The following STON2 variants were observed in gnomAD, a reference collection of about 807,000 sequenced individuals.
STON2 encodes the protein stonin 2, also known as stonin-2.
STON2 carries 29 observed loss-of-function variants against 65.7 expected under a neutral mutation model. That is an observed-to-expected ratio of 0.44 (90% confidence interval 0.33 to 0.60). The LOEUF (loss-of-function observed/expected upper bound fraction) is 0.60, where lower values mean the gene tolerates loss of function less well. STON2 is among the 20% of genes least tolerant of loss of function. STON2 has a pLI of 0.03. For missense variants in STON2, 1,054 were observed against 1,118.1 expected (o/e 0.94, Z 0.82); for synonymous variants, 404 against 414.2 (o/e 0.98, Z 0.30).
rs2140086036 is a variant in STON2, at chr14:81,265,463, T to C, written c.*2951A>G. 1.9e-6 allele frequency: 1 copy of C among 514,552 alleles called. No individual in the cohort carries two copies. Among genetic ancestry groups the C allele is most frequent in the Non-Finnish European group, 2.5e-6 (1 of 400,224 alleles). The allele number at this position is 514,552 out of a possible 1,614,324, so 31.9% of individuals were successfully genotyped here. A position where few individuals can be genotyped will look rare whatever the true frequency, so the allele number is the denominator to read the frequency against. On this transcript the variant is annotated 3_prime_UTR_variant, in exon 8 of 8. Transcript: ENST00000614646. ...TGAGGTCAGACATTCGAGACCAGCC[T>C]GGCCAACATGGTGAAACCCCATCTC...
At chr14:81,331,384 G>C (rs769797617) in intron 4 of STON2, among the ~76,000 whole-genome samples, 2 of 152,058 alleles carry the variant, frequency 1.3e-5, no homozygotes, top group Non-Finnish European at 2.9e-5. Context: ...TAGGGGGTTG[G>C]ACCAACCCCA....
At chr14:81,283,869 A>G (rs1895230049) in intron 5 of STON2, among the ~76,000 whole-genome samples, 1 of 152,172 alleles carries the variant, frequency 6.6e-6, no homozygotes, top group Admixed American at 6.5e-5. Flanking sequence ...GTGGCAACCC[A>G]AAGTCTGTCA....
chr14:81,275,044 TTC>T (rs35545366), intron 6 of STON2, among the ~76,000 whole-genome samples: 96,424 of 151,704 alleles, frequency 0.64, 30,904 homozygotes, highest in Middle Eastern at 0.69. Flanking sequence ...GTCTAAAGTC[TTC>T]TCTTGATCAG....
At chr14:81,339,026 G>C (rs1431060537) in intron 4 of STON2, among the ~76,000 whole-genome samples, 1 of 151,882 alleles carries the variant, frequency 6.6e-6, no homozygotes, top group Non-Finnish European at 1.5e-5. Context: ...AGAAGAGTTT[G>C]GTTTGGATGA....
chr14:81,427,415 C>T (rs1036750154), intron 1 of STON2: 1 of 152,098 alleles, frequency 6.6e-6, no homozygotes, highest in Non-Finnish European at 1.5e-5. Context: ...TCACCCAGAC[C>T]GGAGTCTGAT....
At chr14:81,376,682 T>C (rs1406881684) in intron 3 of STON2, among the ~76,000 whole-genome samples, 1 of 152,216 alleles carries the variant, frequency 6.6e-6, no homozygotes, top group Non-Finnish European at 1.5e-5. Context: ...CCAATTTATA[T>C]GTAAAGTCTC....
chr14:81,339,676 C>G (rs940972470), intron 4 of STON2, among the ~76,000 whole-genome samples: 8 of 152,140 alleles, frequency 5.3e-5, no homozygotes, highest in Non-Finnish European at 8.8e-5. Flanking sequence ...AAAGTTTTAG[C>G]TTTTTCAGAC....
At chr14:81,372,898 T>C (rs915548714) in intron 3 of STON2, among the ~76,000 whole-genome samples, 4 of 152,168 alleles carry the variant, frequency 2.6e-5, no homozygotes, top group Admixed American at 6.5e-5. Context: ...AGTATAAATA[T>C]AAAATTTTTC....
chr14:81,373,129 G>C (rs1200187881), intron 3 of STON2, among the ~76,000 whole-genome samples: 3 of 152,110 alleles, frequency 2.0e-5, no homozygotes, highest in Admixed American at 2.0e-4. Context: ...CAAGCTCCTT[G>C]AGGGGGCAGG....
chr14:81,431,287 A>C (rs1043245348), intron 1 of STON2, among the ~76,000 whole-genome samples: 1 of 151,588 alleles, frequency 6.6e-6, no homozygotes, highest in African/African-American at 2.4e-5. Flanking sequence ...TTCAAATCTC[A>C]CTCACTTCAT....
intron 6 of STON2, among the ~76,000 whole-genome samples, chr14:81,274,099 C>T (rs769807359): frequency 6.6e-6 from 1 of 152,118 alleles, no homozygotes; most frequent in Non-Finnish European, 1.5e-5. Flanking sequence ...TGAGAACTTA[C>T]ATTCTGCCTG....
intron 5 of STON2, among the ~76,000 whole-genome samples, chr14:81,282,734 A>T (rs1294648781): frequency 6.6e-6 from 1 of 152,226 alleles, no homozygotes; most frequent in East Asian, 1.9e-4. Context: ...AGTTCAAAAC[A>T]TCTCTTTATT....
intron 5 of STON2, 169 bp from the exon 6 acceptor site, chr14:81,278,908 T>A (rs1894994776): frequency 4.0e-6 from 2 of 498,236 alleles, no homozygotes; most frequent in Middle Eastern, 5.2e-4. Context: ...CTCACAATTC[T>A]GTAATGAGCA....
chr14:81,284,468 A>G (rs1019542421), intron 5 of STON2, among the ~76,000 whole-genome samples: 1 of 152,232 alleles, frequency 6.6e-6, no homozygotes, highest in Non-Finnish European at 1.5e-5. Flanking sequence ...CATCAATTCT[A>G]TGAAAGTGGA....
In STON2 at chr14:81,311,503, T is replaced by C. The variant is rs75145038; in HGVS notation, c.742+12514A>G. ...AAATCATACGATGAGCCAGGTACTG[T>C]ACAAAAGAAGATTTCTTAGATGATC... On this transcript the variant is annotated intron_variant, in intron 5 of 7. Coordinates refer to ENST00000614646, the MANE Select transcript of STON2 (RefSeq NM_001394390.1). Among the ~76,000 whole-genome samples, 304 of 152,336 alleles carry C rather than the reference T, an allele frequency of 2.0e-3. 7 individuals are homozygous for C. In the East Asian group the frequency reaches 0.048, roughly 24 times the overall value.
chr14:81,309,978 G>A (rs1360800375), intron 5 of STON2, among the ~76,000 whole-genome samples: 1 of 152,172 alleles, frequency 6.6e-6, no homozygotes, highest in Non-Finnish European at 1.5e-5. Flanking sequence ...CTGAATTAGA[G>A]CTGGGAGACC....
intron 1 of STON2, among the ~76,000 whole-genome samples, chr14:81,431,603 A>T (rs963833260): frequency 1.3e-5 from 2 of 151,976 alleles, no homozygotes; most frequent in African/African-American, 2.4e-5. Context: ...ACATGGCAAA[A>T]CTCTGTCTCT....
At position 81,266,185 on chromosome 14, in the gene STON2, T is replaced by G. The variant is rs1305240351; in HGVS notation, c.*2229A>C. The G allele has an allele frequency of 3.7e-6, 3 of 807,540 alleles. No individual in the cohort carries two copies. The highest frequency in any genetic ancestry group is 3.7e-5 in the African/African-American group (2 of 53,658). 50.0% of individuals were successfully genotyped at this position (807,540 alleles called of 1,614,324 possible). A position where few individuals can be genotyped will look rare whatever the true frequency, so the allele number is the denominator to read the frequency against. ...CATATAGACCAAATCCAATGTAAGA[T>G]TCCCTTTCACAGCACGTGGGATAGG... On this transcript the variant is annotated 3_prime_UTR_variant, in exon 8 of 8. Coordinates refer to ENST00000614646, the MANE Select transcript of STON2 (RefSeq NM_001394390.1).
chr14:81,366,268 T>C (rs560651612), intron 4 of STON2, among the ~76,000 whole-genome samples: 7 of 152,298 alleles, frequency 4.6e-5, no homozygotes, highest in South Asian at 2.1e-4. Flanking sequence ...GGGAACTGGA[T>C]TGCCCTGCAG....
Sources: gnomAD v4.1 joint callset for allele counts (sites outside exome capture counted in the v4.1 genomes callset) on GRCh38, gnomAD v4.1.1 for gene constraint, MANE v1.5 for transcripts, NCBI Gene and HGNC (gene_info 2026-07-23, HGNC 2026-07-21) for gene names.